The following NCKAP5 variants were observed in gnomAD, a reference collection of about 807,000 sequenced individuals.
The protein encoded by NCKAP5 is NCK associated protein 5, also known as nck-associated protein 5.
A neutral mutation model predicts 167.0 loss-of-function variants in NCKAP5; 92 were observed. That is an observed-to-expected ratio of 0.55 (90% confidence interval 0.47 to 0.66). NCKAP5 has a LOEUF of 0.66. Ranked by LOEUF, NCKAP5 falls within the 30% of genes least tolerant of loss-of-function variation. The probability of loss-of-function intolerance (pLI) is 0.00; values close to 1 mark genes in which losing one functional copy is unlikely to be tolerated. For missense variants in NCKAP5, 2,378 were observed against 2,315.0 expected (o/e 1.03, Z -0.56); for synonymous variants, 891 against 877.4 (o/e 1.02, Z -0.27).
chr2:132,974,469 C>T (rs1364352761), intron 7 of NCKAP5, among the ~76,000 whole-genome samples: 1 of 151,982 alleles, frequency 6.6e-6, no homozygotes, highest in Non-Finnish European at 1.5e-5. Flanking sequence ...ATGGCAAGGG[C>T]GATATAGGGC....
At chr2:133,122,171 G>T (rs2082271250) in intron 6 of NCKAP5, 1 of 152,128 alleles carries the variant, frequency 6.6e-6, no homozygotes, top group African/African-American at 2.4e-5. Context: ...GAGGGTCAAT[G>T]ATTGTCCAAA....
chr2:133,394,302 T>C (rs112108812), intron 3 of NCKAP5, among the ~76,000 whole-genome samples: 4,087 of 152,274 alleles, frequency 0.027, 100 homozygotes, highest in Middle Eastern at 0.054. Context: ...TACAAAGTAA[T>C]GAGATTGGGA....
intron 8 of NCKAP5, among the ~76,000 whole-genome samples, chr2:132,887,385 A>ATCCATCCATCCG (rs1692336851): frequency 6.6e-6 from 1 of 151,568 alleles, no homozygotes; most frequent in Non-Finnish European, 1.5e-5. Flanking sequence ...CCATCCATCC[A>ATCCATCCATCCG]TCCATCCATC....
At chr2:133,193,303 T>C (rs2085306729) in intron 5 of NCKAP5, among the ~76,000 whole-genome samples, 1 of 152,056 alleles carries the variant, frequency 6.6e-6, no homozygotes, top group South Asian at 2.1e-4. Context: ...AAGGGATCCA[T>C]GTGGTGGTAG....
At chr2:133,152,337 C>T (rs756555958) in intron 5 of NCKAP5, among the ~76,000 whole-genome samples, 4 of 152,068 alleles carry the variant, frequency 2.6e-5, no homozygotes, top group Admixed American at 6.5e-5. Flanking sequence ...TTTCCTTTGC[C>T]CTGTAATTTT....
chr2:132,781,299 C>A, intron 14 of NCKAP5, 70 bp from the exon 15 acceptor site: 1 of 1,442,318 alleles, frequency 6.9e-7, no homozygotes, highest in Non-Finnish European at 9.3e-7. Context: ...TTTTCCCAAT[C>A]TTTTTAATAT....
rs774857880 is a variant in NCKAP5, at chr2:132,784,420, C to T, written c.2391G>A (p.Lys797=). ...TGGGAGGTATTTTTGTCAGATTTTG[C>T]TTTTGATAGATGCCCATGGGTGCCG... is the stretch of plus-strand genomic sequence containing the variant. The part of the protein sequence containing the change: ...RSSAPMGIYQ[K]QNLTKIPPRG... Residue 797 remains lysine, a synonymous_variant, in exon 14 of 20, where the codon AAG becomes AAA. Coordinates refer to ENST00000409261, the MANE Select transcript of NCKAP5 (RefSeq NM_207363.3). 3.1e-6 allele frequency: 5 copies of T among 1,612,766 alleles called. No homozygotes were observed. The highest frequency in any genetic ancestry group is 4.2e-6 in the Non-Finnish European group (5 of 1,179,474).
intron 3 of NCKAP5, among the ~76,000 whole-genome samples, chr2:133,439,447 G>A (rs1690696019): frequency 6.6e-6 from 1 of 152,170 alleles, no homozygotes; most frequent in Non-Finnish European, 1.5e-5. Flanking sequence ...AACACTTAAA[G>A]GGCTAGGCAT....
intron 11 of NCKAP5, among the ~76,000 whole-genome samples, chr2:132,850,592 T>C (rs1480880348): frequency 6.6e-6 from 1 of 152,078 alleles, no homozygotes; most frequent in Non-Finnish European, 1.5e-5. Context: ...GCTTTATCAA[T>C]GTAACTACAA....
intron 6 of NCKAP5, 133 bp from the exon 7 acceptor site, chr2:132,994,372 A>G: frequency 1.6e-6 from 1 of 640,636 alleles, no homozygotes; most frequent in Admixed American, 3.0e-5. Flanking sequence ...TCTCTACTTC[A>G]TCTTCTATCA....
At chr2:133,071,256 A>G (rs1013334456) in intron 6 of NCKAP5, among the ~76,000 whole-genome samples, 6 of 152,182 alleles carry the variant, frequency 3.9e-5, no homozygotes, top group African/African-American at 1.4e-4. Flanking sequence ...CAAAAGAATC[A>G]CAGTCAGTGA....
Position 133,532,708 on chromosome 2 carries a change from A to G in NCKAP5, c.-61-15121T>C, listed in dbSNP as rs959898683. On this transcript the variant is annotated intron_variant, in intron 2 of 19. Transcript: ENST00000409261. ...TTATTTCAGTATATATGTAATTTTT[A>G]TTGCCTGCCTGCCACCCAGAATTCT... Among the ~76,000 whole-genome samples, 102 of 152,176 alleles carry G rather than the reference A, an allele frequency of 6.7e-4. 1 individual carries two copies. The highest frequency in any genetic ancestry group is 2.4e-3 in the African/African-American group (99 of 41,520).
intron 3 of NCKAP5, among the ~76,000 whole-genome samples, chr2:133,387,527 G>T (rs1290740580): frequency 1.3e-5 from 2 of 152,082 alleles, no homozygotes; most frequent in East Asian, 3.9e-4. Flanking sequence ...ATGTGTCTTG[G>T]AGTTGCTCTT....
At chr2:133,041,923 A>T (rs1316067445) in intron 6 of NCKAP5, among the ~76,000 whole-genome samples, 9 of 152,200 alleles carry the variant, frequency 5.9e-5, no homozygotes, top group Non-Finnish European at 1.3e-4. Context: ...AAATTCTCAA[A>T]TAGCATTATG....
At chr2:133,061,056 C>T (rs952029583) in intron 6 of NCKAP5, among the ~76,000 whole-genome samples, 2 of 143,010 alleles carry the variant, frequency 1.4e-5, no homozygotes, top group Admixed American at 7.4e-5. Context: ...TCCATGAATC[C>T]CAAAATATTA....
At chr2:132,701,101 ATAGT>A (rs1450608698) in intron 19 of NCKAP5, among the ~76,000 whole-genome samples, 1 of 151,236 alleles carries the variant, frequency 6.6e-6, no homozygotes, top group East Asian at 1.9e-4. Context: ...TAATATATAC[ATAGT>A]TGGGATATAC....
intron 3 of NCKAP5, among the ~76,000 whole-genome samples, chr2:133,468,013 A>T: frequency 9.3e-6 from 1 of 107,474 alleles, no homozygotes; most frequent in African/African-American, 4.4e-5. Flanking sequence ...TATTTCCTTC[A>T]GTTCTGCTCT....
At chr2:133,362,879 G>T (rs768553065) in intron 3 of NCKAP5, among the ~76,000 whole-genome samples, 1 of 151,806 alleles carries the variant, frequency 6.6e-6, no homozygotes, top group Non-Finnish European at 1.5e-5. Context: ...TCAGCCTCCC[G>T]AGTAGCTGGG....
intron 8 of NCKAP5, among the ~76,000 whole-genome samples, chr2:132,913,320 G>A (rs1215285295): frequency 1.3e-5 from 2 of 151,990 alleles, no homozygotes; most frequent in African/African-American, 4.8e-5. Context: ...TTTACACCAT[G>A]TCATGGATAA....
Sources: gnomAD v4.1 joint callset for allele counts (sites outside exome capture counted in the v4.1 genomes callset) on GRCh38, gnomAD v4.1.1 for gene constraint, MANE v1.5 for transcripts, NCBI Gene and HGNC (gene_info 2026-07-23, HGNC 2026-07-21) for gene names.